FAM184A: variants seen among roughly 807,000 people sequenced by gnomAD.
FAM184A encodes the protein protein FAM184A.
Under a neutral mutation model 143.8 loss-of-function variants are expected in FAM184A, and 99 were observed. That is an observed-to-expected ratio of 0.69 (90% CI 0.58 to 0.81). The LOEUF (loss-of-function observed/expected upper bound fraction) is 0.81, where lower values mean the gene tolerates loss of function less well. Among genes scored for constraint, FAM184A ranks in the 40% least tolerant of loss-of-function variants. FAM184A has a pLI of 0.00. For synonymous variants in FAM184A, 427 were observed against 446.4 expected (o/e 0.96, Z 0.55); for missense variants, 1,217 against 1,310.5 (o/e 0.93, Z 1.10).
chr6:119,132,617 A>T (rs1241942438), intron 1 of FAM184A, among the ~76,000 whole-genome samples: 1 of 152,210 alleles, frequency 6.6e-6, no homozygotes, highest in Non-Finnish European at 1.5e-5. Context: ...ATTTTCCCAC[A>T]CATTAGCCAC....
chr6:119,108,231 C>T (rs1365486104), intron 1 of FAM184A, among the ~76,000 whole-genome samples: 1 of 151,534 alleles, frequency 6.6e-6, no homozygotes, highest in East Asian at 1.9e-4. Flanking sequence ...TCATCGAGAC[C>T]TTTTGATGCC....
intron 1 of FAM184A, among the ~76,000 whole-genome samples, chr6:119,128,131 GACAA>G (rs1418988883): frequency 4.6e-5 from 7 of 152,042 alleles, no homozygotes; most frequent in Admixed American, 3.3e-4. Flanking sequence ...TCTTAAGACT[GACAA>G]ACAGACTCTT....
At chr6:119,051,985 T>C (rs1786786615) in intron 1 of FAM184A, among the ~76,000 whole-genome samples, 1 of 152,174 alleles carries the variant, frequency 6.6e-6, no homozygotes, top group African/African-American at 2.4e-5. Context: ...CAGACAGCAG[T>C]ATCTATGTAT....
chr6:118,967,501 T>C (rs576357295), intron 14 of FAM184A, among the ~76,000 whole-genome samples: 46 of 148,062 alleles, frequency 3.1e-4, no homozygotes, highest in African/African-American at 1.2e-3. Flanking sequence ...AGCCAATACA[T>C]ACAAACTGAA....
chr6:119,011,614 A>C lies in FAM184A; in HGVS notation c.1531-183T>G, dbSNP rs138228382. 5.8e-3 allele frequency among the ~76,000 whole-genome samples: 887 copies of C among 152,272 alleles called. 29 individuals carry two copies. The highest frequency in any genetic ancestry group is 1.2e-3 in the Non-Finnish European group (85 of 68,016). On this transcript the variant is annotated intron_variant, in intron 5 of 17. Transcript: ENST00000338891. The stretch of plus-strand genomic sequence containing the variant: ...TAGTGGCTTAGATTCTATCATTCTG[A>C]CTCATTTATAATGTAGTTATACTTT...
intron 16 of FAM184A, 30 bp from the exon 17 acceptor site, chr6:118,961,993 G>C (rs1355452462): frequency 6.3e-7 from 1 of 1,592,716 alleles, no homozygotes; most frequent in Admixed American, 1.7e-5. Flanking sequence ...TGTGAGGATA[G>C]TCCCTGCATG....
At chr6:119,118,670 TCTTTA>T (rs1459567612) in intron 1 of FAM184A, among the ~76,000 whole-genome samples, 4 of 152,356 alleles carry the variant, frequency 2.6e-5, no homozygotes, top group East Asian at 1.9e-4. Context: ...CCTATGCCTA[TCTTTA>T]CTTTAATCTC....
chr6:119,069,071 A>T, intron 1 of FAM184A: 1 of 372,126 alleles, frequency 2.7e-6, no homozygotes, highest in Non-Finnish European at 5.8e-6. Flanking sequence ...CACAAAAGCA[A>T]CTGAGGTTCT....
intron 1 of FAM184A, among the ~76,000 whole-genome samples, chr6:119,029,575 T>C (rs1467935817): frequency 6.6e-6 from 1 of 152,134 alleles, no homozygotes; most frequent in Non-Finnish European, 1.5e-5. Flanking sequence ...TGTATGAGGA[T>C]ATTAGAGACC....
intron 1 of FAM184A, among the ~76,000 whole-genome samples, chr6:119,107,636 G>A (rs1163667791): frequency 6.6e-6 from 1 of 151,962 alleles, no homozygotes; most frequent in Non-Finnish European, 1.5e-5. Flanking sequence ...AAATTAGCTG[G>A]GCATGGTGGC....
intron 1 of FAM184A, among the ~76,000 whole-genome samples, chr6:119,107,006 G>A (rs1788804711): frequency 1.3e-5 from 2 of 152,172 alleles, no homozygotes; most frequent in Non-Finnish European, 2.9e-5. Context: ...AAATGTTTTT[G>A]TAGGCCATAT....
intron 1 of FAM184A, among the ~76,000 whole-genome samples, chr6:119,101,825 G>A (rs1358504046): frequency 6.6e-6 from 1 of 152,182 alleles, no homozygotes; most frequent in Non-Finnish European, 1.5e-5. Flanking sequence ...GGAGGCTGAG[G>A]TGGGCACATC....
intron 9 of FAM184A, among the ~76,000 whole-genome samples, chr6:118,992,088 G>C (rs909036778): frequency 1.3e-5 from 2 of 152,026 alleles, no homozygotes; most frequent in African/African-American, 4.8e-5. Context: ...TTAAGCAAGG[G>C]AGTGGCAGGA....
chr6:119,033,863 G>C (rs1239707487), intron 1 of FAM184A, among the ~76,000 whole-genome samples: 4 of 148,586 alleles, frequency 2.7e-5, no homozygotes, highest in East Asian at 2.0e-4. Flanking sequence ...ATGGTGGCAC[G>C]CGTCTGTAAT....
At chr6:119,037,460 C>G (rs1355147655) in intron 1 of FAM184A, among the ~76,000 whole-genome samples, 1 of 152,126 alleles carries the variant, frequency 6.6e-6, no homozygotes, top group African/African-American at 2.4e-5. Flanking sequence ...GCCACTACAC[C>G]TGGCTTTGAT....
rs1787965971 is a variant in FAM184A at position 119,078,545 on chromosome 6, C to G, written c.-246G>C. Reference sequence around the variant, plus strand: ...GGGGCAGATGCCCGGGGTTGGGCGGCGGCGGCCGGGGGCCGGGCCAGCTCT... The same window carrying G: ...GGGGCAGATGCCCGGGGTTGGGCGGGGGCGGCCGGGGGCCGGGCCAGCTCT... On this transcript the variant is annotated 5_prime_UTR_variant, in exon 1 of 18. Coordinates refer to ENST00000338891, the MANE Select transcript of FAM184A (RefSeq NM_024581.6). The surrounding 1 kb of genome is among the most constrained non-coding windows in gnomAD (Gnocchi z 5.5). The G allele has an allele frequency of 9.5e-6, 3 of 314,814 alleles. No homozygotes were observed. The highest frequency in any genetic ancestry group is 1.7e-5 in the Non-Finnish European group (3 of 173,792). The allele number at this position is 314,814 out of a possible 1,614,324, so 19.5% of individuals were successfully genotyped here.
upstream of FAM184A, among the ~76,000 whole-genome samples, chr6:119,083,412 A>G (rs1788128951): frequency 6.6e-6 from 1 of 152,168 alleles, no homozygotes; most frequent in Admixed American, 6.5e-5. Flanking sequence ...TCAGGCTGCA[A>G]ATTTTCTAAA....
At chr6:118,989,801 C>CATTTATTTATTTATTT (rs149164113) in intron 9 of FAM184A, among the ~76,000 whole-genome samples, 26 of 144,808 alleles carry the variant, frequency 1.8e-4, no homozygotes, top group African/African-American at 2.6e-4. Context: ...AGTATTTTTA[C>CATTTATTTATTTATTT]ATTTATTTAT....
intron 9 of FAM184A, among the ~76,000 whole-genome samples, chr6:118,983,939 A>G (rs1351654674): frequency 6.6e-6 from 1 of 151,526 alleles, no homozygotes; most frequent in Non-Finnish European, 1.5e-5. Flanking sequence ...ACCAGAGGTC[A>G]GGCATTTGAG....
Sources: gnomAD v4.1 joint callset for allele counts (sites outside exome capture counted in the v4.1 genomes callset) on GRCh38, gnomAD v4.1.1 for gene constraint, Gnocchi (gnomAD v3.1) non-coding constraint, MANE v1.5 for transcripts, NCBI Gene and HGNC (gene_info 2026-07-23, HGNC 2026-07-21) for gene names.